The following GLUD1 variants were observed in gnomAD, a reference collection of about 807,000 sequenced individuals.
GLUD1 encodes glutamate dehydrogenase 1, mitochondrial.
Under a neutral mutation model 56.0 loss-of-function variants are expected in GLUD1, and 22 were observed. The ratio of observed to expected loss-of-function variants is 0.39; its 90% CI spans 0.28 to 0.56. GLUD1 has a LOEUF of 0.56. Ranked by LOEUF, GLUD1 falls within the 20% of genes least tolerant of loss-of-function variation. GLUD1 has a pLI of 0.58. For synonymous variants in GLUD1, 223 were observed against 269.9 expected, an observed-to-expected ratio of 0.83 and a Z score of 1.70; for missense variants, 451 against 732.0, an observed-to-expected ratio of 0.62 and a Z score of 4.43.
chr10:87,090,471 C>T (rs375219323), intron 1 of GLUD1, among the ~76,000 whole-genome samples: 3 of 152,242 alleles, frequency 2.0e-5, no homozygotes, highest in East Asian at 3.9e-4. Context: ...GATTCATACA[C>T]GCAAGTGACA....
At chr10:87,060,516 G>T in intron 8 of GLUD1, 172 bp downstream of exon 8, 1 of 848,320 alleles carries the variant, frequency 1.2e-6, no homozygotes, top group Non-Finnish European at 2.0e-6. Flanking sequence ...CTCTGTGCCG[G>T]TAGCTAAAAG....
intron 1 of GLUD1, among the ~76,000 whole-genome samples, chr10:87,086,762 C>T (rs1474130717): frequency 1.4e-4 from 20 of 146,016 alleles, no homozygotes; most frequent in African/African-American, 2.8e-4. Flanking sequence ...ACCCAGGAGG[C>T]GGAGCTTGCA....
chr10:87,088,540 GA>G lies in GLUD1; in HGVS notation c.445+5784del, dbSNP rs568948285. On this transcript the variant is annotated intron_variant, in intron 1 of 12. Coordinates refer to ENST00000277865, the MANE Select transcript of GLUD1 (RefSeq NM_005271.5). ...TTGCTCTTTCTCTCTTGGCATAAAA[GA>G]AAAAAAAAATTCATGCAAAATCCTA... 1.2e-3 allele frequency among the ~76,000 whole-genome samples: 176 copies of G among 147,658 alleles called. 1 individual carries two copies. The highest frequency in any genetic ancestry group is 7.0e-3 in the Middle Eastern group (2 of 284).
intron 10 of GLUD1, 82 bp downstream of exon 10, chr10:87,059,068 C>A: frequency 6.8e-7 from 1 of 1,465,912 alleles, no homozygotes; most frequent in East Asian, 2.3e-5. Context: ...CCAAAGGGAT[C>A]AGTTCTCTTA....
At chr10:87,057,821 GAAAAA>G (rs35186250) in intron 10 of GLUD1, 39 bp from the exon 11 acceptor site, 43 of 722,742 alleles carry the variant, frequency 5.9e-5, no homozygotes, top group African/African-American at 9.7e-5. Flanking sequence ...ATTGCTAACA[GAAAAA>G]AAAAAAAAAA....
At chr10:87,069,201 G>A (rs891448333) in intron 4 of GLUD1, among the ~76,000 whole-genome samples, 2 of 151,352 alleles carry the variant, frequency 1.3e-5, no homozygotes, top group African/African-American at 4.9e-5. Flanking sequence ...TTTACAAAAC[G>A]AAAAACGCAA....
intron 11 of GLUD1, among the ~76,000 whole-genome samples, 181 bp downstream of exon 11, chr10:87,057,510 G>A (rs532528971): frequency 1.3e-5 from 2 of 152,236 alleles, no homozygotes; most frequent in East Asian, 1.9e-4. Context: ...GTAGTCAGTA[G>A]GATTCTTACT....
In GLUD1 at chr10:87,060,208, G is replaced by C; in HGVS notation, c.1231C>G (p.Pro411Ala). The C allele has an allele frequency of 1.2e-6, 2 of 1,612,202 alleles. No homozygotes were observed. The highest frequency in any genetic ancestry group is 1.7e-6 in the Non-Finnish European group (2 of 1,178,250). The change falls in exon 9 of 13, where the codon CCA becomes GCA. Residue 411 changes from proline to alanine, a missense_variant. Coordinates refer to ENST00000277865, the MANE Select transcript of GLUD1 (RefSeq NM_005271.5). ...TCCAGGAAGATCTTGTCAGCTTCTG[G>C]AGTTGTTGGCCCATTGGCACCTTCA... ...IAEGANGPTT[P>A]EADKIFLERN...
intron 1 of GLUD1, among the ~76,000 whole-genome samples, chr10:87,080,550 C>T (rs537943020): frequency 1.1e-4 from 17 of 152,040 alleles, no homozygotes; most frequent in Non-Finnish European, 1.6e-4. Flanking sequence ...TCTGCCCGGC[C>T]GCCCATCGTC....
At chr10:87,076,514 A>T in intron 2 of GLUD1, 62 bp downstream of exon 2, 1 of 959,040 alleles carries the variant, frequency 1.0e-6, no homozygotes, top group Non-Finnish European at 1.7e-6. Flanking sequence ...CTTAACAGTA[A>T]CATGTGTGTA....
At chr10:87,071,276 T>C (rs1846231551) in intron 4 of GLUD1, among the ~76,000 whole-genome samples, 1 of 151,760 alleles carries the variant, frequency 6.6e-6, no homozygotes, top group South Asian at 2.1e-4. Context: ...CACTGCAACC[T>C]CCGCCTTCCA....
Position 87,051,751 on chromosome 10 carries a change from C to T in GLUD1, c.1677G>A (p.Ter559=). The T allele has an allele frequency of 5.0e-6, 8 of 1,612,430 alleles. No homozygotes were observed. The highest frequency in any genetic ancestry group is 6.8e-6 in the Non-Finnish European group (8 of 1,179,952). ...VYNEAGVTFT[*] is the part of the protein sequence containing the mutation. ...AGTGAGGAAGTCAGCCATGATCCATCTATGTGAAGGTCACACCAGCTTCAT... is the reference window on the plus strand; with the variant it reads ...AGTGAGGAAGTCAGCCATGATCCATTTATGTGAAGGTCACACCAGCTTCAT... The change falls in exon 13 of 13, where the codon TAG becomes TAA. Residue 559 remains the stop codon, a stop_retained_variant. Coordinates refer to ENST00000277865, the MANE Select transcript of GLUD1 (RefSeq NM_005271.5).
At chr10:87,086,622 G>A (rs1287292809) in intron 1 of GLUD1, among the ~76,000 whole-genome samples, 3 of 150,368 alleles carry the variant, frequency 2.0e-5, no homozygotes, top group African/African-American at 7.3e-5. Context: ...AGGAGATCAA[G>A]ACCATCCTGG....
Position 87,060,164 on chromosome 10 carries a change from A to G in GLUD1, c.1275T>C (p.Ile425=). 1 of 1,587,368 alleles carries G rather than the reference A, an allele frequency of 6.3e-7. No individual in the cohort carries two copies. The highest frequency in any genetic ancestry group is 2.2e-5 in the East Asian group (1 of 44,786). Residue 425 remains isoleucine, a synonymous_variant, in exon 9 of 13, where the codon ATT becomes ATC. Coordinates refer to ENST00000277865, the MANE Select transcript of GLUD1 (RefSeq NM_005271.5). ...KIFLERNIMV[I]PDLYLNAGGV... ...CTAATAAATATAGATGACTTACTGG[A>G]ATAACCATAATGTTTCTCTCCAGGA... is the stretch of plus-strand genomic sequence containing the variant.
chr10:87,094,287 A>C lies in GLUD1; in HGVS notation c.445+38T>G. 1 of 1,539,540 alleles carries C rather than the reference A, an allele frequency of 6.5e-7. No homozygotes were observed. The highest frequency in any genetic ancestry group is 1.2e-5 in the South Asian group (1 of 85,524). ...AGGCCGGAGGGGAGGGCCGCAGGGGAGGCAGGGAGGGCGGGACGGGGCCCG... is the reference window on the plus strand; with the variant it reads ...AGGCCGGAGGGGAGGGCCGCAGGGGCGGCAGGGAGGGCGGGACGGGGCCCG... On this transcript the variant is annotated intron_variant, in intron 1 of 12. Coordinates refer to ENST00000277865, the MANE Select transcript of GLUD1 (RefSeq NM_005271.5). This position sits in a 1 kb window ranked among gnomAD's most constrained non-coding sequence, Gnocchi z 6.6.
intron 11 of GLUD1, among the ~76,000 whole-genome samples, chr10:87,055,842 G>A (rs979713127): frequency 6.6e-6 from 1 of 152,098 alleles, no homozygotes; most frequent in Non-Finnish European, 1.5e-5. Flanking sequence ...ACGGCCGGGC[G>A]CGGTGGCTCA....
At chr10:87,075,494 A>G (rs1415012440) in intron 3 of GLUD1, among the ~76,000 whole-genome samples, 2 of 152,224 alleles carry the variant, frequency 1.3e-5, no homozygotes, top group African/African-American at 4.8e-5. Context: ...ATATGGCAAA[A>G]CACGCTATGA....
chr10:87,070,684 CA>C (rs1846208774), intron 4 of GLUD1, among the ~76,000 whole-genome samples: 2 of 152,042 alleles, frequency 1.3e-5, no homozygotes, highest in Non-Finnish European at 2.9e-5. Context: ...AAATCAGAAA[CA>C]CGTAATGATA....
At chr10:87,076,078 G>T in intron 2 of GLUD1, 55 bp from the exon 3 acceptor site, 1 of 1,220,262 alleles carries the variant, frequency 8.2e-7, no homozygotes, top group Non-Finnish European at 1.2e-6. Context: ...AAAGTAAAAT[G>T]ACAGAAAGCA....
Sources: gnomAD v4.1 joint callset for allele counts (sites outside exome capture counted in the v4.1 genomes callset) on GRCh38, gnomAD v4.1.1 for gene constraint, Gnocchi (gnomAD v3.1) non-coding constraint, MANE v1.5 for transcripts, NCBI Gene and HGNC (gene_info 2026-07-23, HGNC 2026-07-21) for gene names.